SAMD14: variants seen among roughly 807,000 people sequenced by gnomAD.
SAMD14 encodes the protein sterile alpha motif domain-containing protein 14.
A neutral mutation model predicts 46.2 loss-of-function variants in SAMD14; 27 were observed. The ratio of observed to expected loss-of-function variants is 0.58; its 90% CI spans 0.43 to 0.81. SAMD14 has a LOEUF of 0.81. SAMD14 is among the 30% of genes least tolerant of loss of function. SAMD14 has a pLI of 0.00. For synonymous variants in SAMD14, 241 were observed against 254.3 expected, an observed-to-expected ratio of 0.95 and a Z score of 0.50; for missense variants, 559 against 582.2, an observed-to-expected ratio of 0.96 and a Z score of 0.41.
chr17:50,110,108 G>A lies in SAMD14; in HGVS notation c.*2785C>T, dbSNP rs1453426933. 2 of 1,588,520 alleles carry A rather than the reference G, an allele frequency of 1.3e-6. No individual in the cohort carries two copies. The highest frequency in any genetic ancestry group is 1.3e-5 in the African/African-American group (1 of 74,446). On this transcript the variant is annotated 3_prime_UTR_variant, in exon 10 of 10. Coordinates refer to ENST00000330175, the MANE Select transcript of SAMD14 (RefSeq NM_001257359.2). Reference sequence around the variant, plus strand: ...TACCGCGTCAGCTAAGGGCCGCCGTGCATCTGCACCTGAGAGGACGGACTG... The same window carrying A: ...TACCGCGTCAGCTAAGGGCCGCCGTACATCTGCACCTGAGAGGACGGACTG...
In SAMD14 at chr17:50,130,088, GCGGCGGGGAGGA is replaced by G. The variant is rs1291559111; in HGVS notation, c.-596_-585del. ...AGCGAGGGGGCGGGGGCGGGGGAGG[GCGGCGGGGAGGA>G]GGCGGCTGGGGCCGGGGAGCGGAGT... On this transcript the variant is annotated 5_prime_UTR_variant, in exon 1 of 10. Coordinates refer to ENST00000330175, the MANE Select transcript of SAMD14 (RefSeq NM_001257359.2). This position sits in a 1 kb window ranked among gnomAD's most constrained non-coding sequence, Gnocchi z 4.1. Among the ~76,000 whole-genome samples, 1 of 151,682 alleles carries G rather than the reference GCGGCGGGGAGGA, an allele frequency of 6.6e-6. No individual in the cohort carries two copies. Among genetic ancestry groups the G allele is most frequent in the Non-Finnish European group, 1.5e-5 (1 of 67,852 alleles).
Position 50,115,531 on chromosome 17 carries a change from G to T in SAMD14, c.822+33C>A. On this transcript the variant is annotated intron_variant, in intron 7 of 9. Transcript: ENST00000330175. The surrounding 1 kb of genome is among the most constrained non-coding windows in gnomAD (Gnocchi z 5.3). ...GCCCTCATGTCACCTGAGACTGGGGGCCAGTTTGGGGACAAGAAAGGCATG... is the reference window on the plus strand; with the variant it reads ...GCCCTCATGTCACCTGAGACTGGGGTCCAGTTTGGGGACAAGAAAGGCATG... The T allele has an allele frequency of 4.0e-6, 6 of 1,510,284 alleles. No homozygotes were observed. Among genetic ancestry groups the T allele is most frequent in the Non-Finnish European group, 5.3e-6 (6 of 1,127,914 alleles). The allele number at this position is 1,510,284 out of a possible 1,614,324, so 93.6% of individuals were successfully genotyped here.
chr17:50,118,363 A>G, intron 2 of SAMD14, 36 bp from the exon 3 acceptor site: 1 of 1,603,534 alleles, frequency 6.2e-7, no homozygotes, highest in Non-Finnish European at 8.5e-7. Flanking sequence ...GACCAGACAC[A>G]TGAGAGGTGA....
rs1911968208 is a variant in SAMD14, at chr17:50,130,119, G to A, written c.-615C>T. On this transcript the variant is annotated 5_prime_UTR_variant, in exon 1 of 10. Coordinates refer to ENST00000330175, the MANE Select transcript of SAMD14 (RefSeq NM_001257359.2). This position sits in a 1 kb window ranked among gnomAD's most constrained non-coding sequence, Gnocchi z 4.1. ...GGGAGGAGGCGGCTGGGGCCGGGGA[G>A]CGGAGTTGCAGCTACTTCTCTGCCC... 6.6e-6 allele frequency among the ~76,000 whole-genome samples: 1 copy of A among 152,086 alleles called. No individual in the cohort carries two copies. The highest frequency in any genetic ancestry group is 6.5e-5 in the Admixed American group (1 of 15,288).
At chr17:50,118,411 C>G (rs1911350810) in intron 2 of SAMD14, 84 bp from the exon 3 acceptor site, 2 of 1,492,064 alleles carry the variant, frequency 1.3e-6, no homozygotes, top group South Asian at 2.4e-5. Context: ...GCCACCTGCA[C>G]CCACACCCCA....
Position 50,110,265 on chromosome 17 carries a change from T to A in SAMD14, c.*2628A>T. The A allele has an allele frequency of 1.5e-6, 1 of 648,000 alleles. No individual in the cohort carries two copies. The highest frequency in any genetic ancestry group is 3.1e-5 in the South Asian group (1 of 32,408). 40.1% of individuals were successfully genotyped at this position (648,000 alleles called of 1,614,324 possible). A position where few individuals can be genotyped will look rare whatever the true frequency, so the allele number is the denominator to read the frequency against. On this transcript the variant is annotated 3_prime_UTR_variant, in exon 10 of 10. Transcript: ENST00000330175. ...TGATAGGTCTGTGATGGTCCCTAAG[T>A]GCCAGTCCATCTCTGTGGAGACCCC...
At chr17:50,123,675 T>A (rs1911604545) in intron 2 of SAMD14, 1 of 185,806 alleles carries the variant, frequency 5.4e-6, no homozygotes, top group African/African-American at 2.3e-5. Flanking sequence ...TCCTTCCCTA[T>A]CCTCCTCCCC....
Position 50,110,153 on chromosome 17 carries a change from C to G in SAMD14, c.*2740G>C. 6.6e-6 allele frequency: 10 copies of G among 1,504,296 alleles called. No individual in the cohort carries two copies. The highest frequency in any genetic ancestry group is 8.9e-6 in the Non-Finnish European group (10 of 1,119,060). The allele number at this position is 1,504,296 out of a possible 1,614,324, so 93.2% of individuals were successfully genotyped here. A position where few individuals can be genotyped will look rare whatever the true frequency, so the allele number is the denominator to read the frequency against. On this transcript the variant is annotated 3_prime_UTR_variant, in exon 10 of 10. Transcript: ENST00000330175. Reference sequence around the variant, plus strand: ...GGACTGCCGCCTCTGGGTCCCCCCACCGTGGTGCCCCTCACCATCCTCCTG... The same window carrying G: ...GGACTGCCGCCTCTGGGTCCCCCCAGCGTGGTGCCCCTCACCATCCTCCTG...
At chr17:50,122,562 T>C (rs1204970457) in intron 2 of SAMD14, among the ~76,000 whole-genome samples, 4 of 152,140 alleles carry the variant, frequency 2.6e-5, no homozygotes, top group Non-Finnish European at 4.4e-5. Flanking sequence ...TGCACGAAAA[T>C]TTGAGCTCCA....
At chr17:50,125,575 C>G (rs1567723469) in intron 1 of SAMD14, among the ~76,000 whole-genome samples, 1 of 152,120 alleles carries the variant, frequency 6.6e-6, no homozygotes, top group Non-Finnish European at 1.5e-5. Flanking sequence ...TCCACCCATC[C>G]GTCCATCCCA....
rs71353620 is a variant in SAMD14 at position 50,124,771 on chromosome 17, G to GCGCGCACACACACACA, written c.43+145_43+146insTGTGTGTGTGTGCGCG. ...TACCTGCACGCGTGCACGCGCGCGC[G>GCGCGCACACACACACA]CACACACACACACACACACACACAC... On this transcript the variant is annotated intron_variant, in intron 2 of 9. Coordinates refer to ENST00000330175, the MANE Select transcript of SAMD14 (RefSeq NM_001257359.2). The GCGCGCACACACACACA allele has an allele frequency of 2.1e-3, 1,206 of 569,470 alleles. 2 individuals are homozygous for GCGCGCACACACACACA. Among genetic ancestry groups the GCGCGCACACACACACA allele is most frequent in the Admixed American group, 3.0e-3 (111 of 36,534 alleles). The allele number at this position is 569,470 out of a possible 1,614,324, so 35.3% of individuals were successfully genotyped here. A position where few individuals can be genotyped will look rare whatever the true frequency, so the allele number is the denominator to read the frequency against.
chr17:50,112,685 T>G lies in SAMD14; in HGVS notation c.*208A>C. The G allele has an allele frequency of 9.3e-6, 5 of 535,926 alleles. No individual in the cohort carries two copies. The highest frequency in any genetic ancestry group is 3.3e-5 in the East Asian group (1 of 30,548). The allele number at this position is 535,926 out of a possible 1,614,324, so 33.2% of individuals were successfully genotyped here. A position where few individuals can be genotyped will look rare whatever the true frequency, so the allele number is the denominator to read the frequency against. ...TGCCAAACAAGTCCTCAAAATAGGA[T>G]TTATTACTAGGCCCTCTCCCTGGGG... On this transcript the variant is annotated 3_prime_UTR_variant, in exon 10 of 10. Transcript: ENST00000330175.
At chr17:50,113,449 A>T (rs1313324132) in intron 9 of SAMD14, 1 of 250,418 alleles carries the variant, frequency 4.0e-6, no homozygotes, top group Non-Finnish European at 7.8e-6. Flanking sequence ...TCCCTGCCCC[A>T]AGCAACTCAG....
intron 4 of SAMD14, among the ~76,000 whole-genome samples, chr17:50,116,885 G>A (rs1163987667): frequency 6.6e-6 from 1 of 151,802 alleles, no homozygotes; most frequent in Non-Finnish European, 1.5e-5. Context: ...ATTTGATTGG[G>A]TTTTTGTTTT....
Position 50,115,794 on chromosome 17 carries a change from G to C in SAMD14, c.662+36C>G, listed in dbSNP as rs199844535. 4 of 1,612,734 alleles carry C rather than the reference G, an allele frequency of 2.5e-6. No individual in the cohort carries two copies. The highest frequency in any genetic ancestry group is 3.4e-6 in the Non-Finnish European group (4 of 1,179,836). On this transcript the variant is annotated intron_variant, in intron 6 of 9. Coordinates refer to ENST00000330175, the MANE Select transcript of SAMD14 (RefSeq NM_001257359.2). This position sits in a 1 kb window ranked among gnomAD's most constrained non-coding sequence, Gnocchi z 5.3. ...CCAGAGCACATGGGGAGCCAGGGGCGGGAGCTGTGGGTGGGCCGCCATGGG... is the reference window on the plus strand; with the variant it reads ...CCAGAGCACATGGGGAGCCAGGGGCCGGAGCTGTGGGTGGGCCGCCATGGG...
chr17:50,116,117 T>C, intron 4 of SAMD14, 27 bp from the exon 5 acceptor site: 1 of 1,598,024 alleles, frequency 6.3e-7, no homozygotes, highest in South Asian at 1.1e-5. Context: ...GGAAGGAAAC[T>C]GCCTGTTTGC....
At chr17:50,116,368 C>A in intron 4 of SAMD14, 4 of 310,508 alleles carry the variant, frequency 1.3e-5, no homozygotes, top group East Asian at 6.2e-5. Context: ...AGGTAGGAAT[C>A]ACTACCATTT....
At chr17:50,127,601 C>CA (rs60461771) in intron 1 of SAMD14, among the ~76,000 whole-genome samples, 24,915 of 138,912 alleles carry the variant, frequency 0.18, 2,166 homozygotes, top group Middle Eastern at 0.32. Flanking sequence ...AACTCTGTCT[C>CA]AAAAAAAAAA....
At position 50,117,401 on chromosome 17, in the gene SAMD14, T is replaced by G; in HGVS notation, c.499+6A>C. The G allele has an allele frequency of 7.7e-7, 1 of 1,306,896 alleles. No individual in the cohort carries two copies. Among genetic ancestry groups the G allele is most frequent in the Non-Finnish European group, 9.7e-7 (1 of 1,030,826 alleles). The allele number at this position is 1,306,896 out of a possible 1,614,324, so 81.0% of individuals were successfully genotyped here. Reference sequence around the variant, plus strand: ...AGCAGGAGGTGCGGCGCTGGCCGCCTCTCACCTTCGCTGTGCGGCTCTGCG... The same window carrying G: ...AGCAGGAGGTGCGGCGCTGGCCGCCGCTCACCTTCGCTGTGCGGCTCTGCG... On this transcript the variant is annotated splice_donor_region_variant and intron_variant, in intron 4 of 9. Coordinates refer to ENST00000330175, the MANE Select transcript of SAMD14 (RefSeq NM_001257359.2).
Sources: gnomAD v4.1 joint callset for allele counts (sites outside exome capture counted in the v4.1 genomes callset) on GRCh38, gnomAD v4.1.1 for gene constraint, Gnocchi (gnomAD v3.1) non-coding constraint, MANE v1.5 for transcripts, NCBI Gene and HGNC (gene_info 2026-07-23, HGNC 2026-07-21) for gene names.